Variants in ERMAP observed in about 807,000 individuals in gnomAD.
ERMAP encodes the protein erythroid membrane-associated protein.
A neutral mutation model predicts 49.5 loss-of-function variants in ERMAP; 34 were observed. The observed-to-expected ratio is 0.69, with a 90% CI of 0.52 to 0.91. The LOEUF (loss-of-function observed/expected upper bound fraction) is 0.91, where lower values mean the gene tolerates loss of function less well. ERMAP is among the 40% of genes least tolerant of loss of function. ERMAP has a pLI of 0.00. For synonymous variants in ERMAP, 214 were observed against 232.2 expected, an observed-to-expected ratio of 0.92 and a Z score of 0.71; for missense variants, 541 against 582.6, an observed-to-expected ratio of 0.93 and a Z score of 0.74.
At chr1:42,830,686 C>T in intron 3 of ERMAP, 82 bp from the exon 4 acceptor site, 1 of 1,427,430 alleles carries the variant, frequency 7.0e-7, no homozygotes, top group Admixed American at 2.2e-5. Flanking sequence ...TCTGTCCGTC[C>T]CCGGGATATC....
At chr1:42,838,601 G>C (rs1654969363) in intron 7 of ERMAP, among the ~76,000 whole-genome samples, 1 of 152,162 alleles carries the variant, frequency 6.6e-6, no homozygotes, top group South Asian at 2.1e-4. Context: ...ATACACTCAT[G>C]TACCGCAGTT....
intron 4 of ERMAP, chr1:42,834,589 CTT>C (rs1254733331): frequency 3.5e-6 from 1 of 284,494 alleles, no homozygotes; most frequent in Non-Finnish European, 6.8e-6. Context: ...GAGTTTCACT[CTT>C]GTCACCCAGG....
rs1447158737 is a variant in ERMAP at position 42,842,848 on chromosome 1, C to A, written c.1044C>A (p.Ser348=). The change falls in exon 12 of 12, where the codon TCC becomes TCA. Residue 348 remains serine, a synonymous_variant. Coordinates refer to ENST00000372517, the MANE Select transcript of ERMAP (RefSeq NM_001017922.2). Reference sequence around the variant, plus strand: ...AAGCTCTCACATCCCCGCAGACCTCCTTCCGCCTTAAAGAGCCTCCACGGT... The same window carrying A: ...AAGCTCTCACATCCCCGCAGACCTCATTCCGCCTTAAAGAGCCTCCACGGT... ...EYEALTSPQT[S]FRLKEPPRCV... The A allele has an allele frequency of 1.2e-6, 2 of 1,614,194 alleles. No homozygotes were observed. Among genetic ancestry groups the A allele is most frequent in the Non-Finnish European group, 1.7e-6 (2 of 1,180,036 alleles).
chr1:42,824,588 G>C (rs1483900846), intron 1 of ERMAP: 1 of 152,256 alleles, frequency 6.6e-6, no homozygotes, highest in East Asian at 1.9e-4. Context: ...CAGTTCAAGA[G>C]TGTATTTAGG....
chr1:42,820,588 A>G (rs888285475), intron 1 of ERMAP, among the ~76,000 whole-genome samples: 1 of 152,080 alleles, frequency 6.6e-6, no homozygotes, highest in Non-Finnish European at 1.5e-5. Context: ...TCTAATTTAC[A>G]AGAGATTTTC....
At chr1:42,822,105 T>C (rs192327612) in intron 1 of ERMAP, among the ~76,000 whole-genome samples, 1 of 151,522 alleles carries the variant, frequency 6.6e-6, no homozygotes, top group Admixed American at 6.6e-5. Context: ...AAAACATATA[T>C]TTATGAAAAG....
intron 1 of ERMAP, among the ~76,000 whole-genome samples, chr1:42,818,917 T>C (rs1049343349): frequency 2.3e-4 from 35 of 152,236 alleles, no homozygotes; most frequent in Non-Finnish European, 1.5e-5. Context: ...AATCTTGATG[T>C]AGTACTGGTA....
intron 2 of ERMAP, among the ~76,000 whole-genome samples, chr1:42,826,039 T>C (rs561361609): frequency 1.4e-4 from 22 of 152,358 alleles, no homozygotes; most frequent in African/African-American, 5.0e-4. Flanking sequence ...GACTGATCAA[T>C]TGCAGATTTG....
At chr1:42,826,743 G>C (rs1414295121) in intron 2 of ERMAP, among the ~76,000 whole-genome samples, 4 of 151,426 alleles carry the variant, frequency 2.6e-5, no homozygotes, top group Non-Finnish European at 5.9e-5. Context: ...GTAGTCCCAG[G>C]TACTCAGGAG....
intron 4 of ERMAP, among the ~76,000 whole-genome samples, chr1:42,833,650 A>AT (rs546664466): frequency 5.3e-5 from 8 of 150,514 alleles, no homozygotes; most frequent in South Asian, 4.2e-4. Flanking sequence ...AGTGATTTTG[A>AT]TTTTTTTTTT....
chr1:42,840,672 C>T (rs1315309300), intron 11 of ERMAP, among the ~76,000 whole-genome samples: 1 of 151,996 alleles, frequency 6.6e-6, no homozygotes, highest in Non-Finnish European at 1.5e-5. Flanking sequence ...TATATTAGCT[C>T]TTTGTCATAT....
chr1:42,831,575 C>CTTTTTTTTTTTTTTTTTTTTTTTTTT (rs796367653), intron 4 of ERMAP, among the ~76,000 whole-genome samples: 1 of 84,010 alleles, frequency 1.2e-5, no homozygotes. Context: ...TTTTTTTTCT[C>CTTTTTTTTTTTTTTTTTTTTTTTTTT]TTTTTTTTTT....
chr1:42,839,043 G>A, intron 8 of ERMAP, 122 bp downstream of exon 8: 1 of 1,488,718 alleles, frequency 6.7e-7, no homozygotes, highest in African/African-American at 1.4e-5. Flanking sequence ...CAAGCCATGG[G>A]GACTGGGGCT....
At chr1:42,837,118 G>A (rs1023324874) in intron 6 of ERMAP, 40 bp from the exon 7 acceptor site, 2 of 1,612,628 alleles carry the variant, frequency 1.2e-6, no homozygotes, top group African/African-American at 2.7e-5. Flanking sequence ...CCTCAAGGCA[G>A]TGGCAAAAAA....
chr1:42,839,361 C>T (rs954289147), intron 8 of ERMAP: 1 of 182,130 alleles, frequency 5.5e-6, no homozygotes, highest in African/African-American at 2.4e-5. Flanking sequence ...CCTATAATCC[C>T]AGCACTTTGG....
At chr1:42,818,243 T>A (rs1043538951) in intron 1 of ERMAP, among the ~76,000 whole-genome samples, 1 of 152,212 alleles carries the variant, frequency 6.6e-6, no homozygotes, top group Non-Finnish European at 1.5e-5. Context: ...GTCAGTTTAG[T>A]ACTAGGTATC....
intron 1 of ERMAP, among the ~76,000 whole-genome samples, chr1:42,822,435 C>T (rs1056738130): frequency 6.6e-6 from 1 of 152,170 alleles, no homozygotes; most frequent in Non-Finnish European, 1.5e-5. Flanking sequence ...CCGCCTGGCT[C>T]AGCCTCCCAA....
chr1:42,837,084 G>A (rs1654923812), intron 6 of ERMAP, 74 bp from the exon 7 acceptor site: 2 of 1,539,892 alleles, frequency 1.3e-6, no homozygotes, highest in Non-Finnish European at 1.8e-6. Context: ...CCAAGGGCAG[G>A]TAAAATCAAT....
intron 1 of ERMAP, among the ~76,000 whole-genome samples, chr1:42,820,440 G>C (rs913616106): frequency 5.5e-5 from 8 of 144,912 alleles, no homozygotes; most frequent in African/African-American, 2.1e-4. Flanking sequence ...GGCCAGGCTA[G>C]TCTTGAACTC....
Sources: gnomAD v4.1 joint callset for allele counts (sites outside exome capture counted in the v4.1 genomes callset) on GRCh38, gnomAD v4.1.1 for gene constraint, MANE v1.5 for transcripts, NCBI Gene and HGNC (gene_info 2026-07-23, HGNC 2026-07-21) for gene names.